CFAP36: variants seen among roughly 807,000 people sequenced by gnomAD.
CFAP36 encodes cilia- and flagella-associated protein 36.
CFAP36 carries 37 observed loss-of-function variants against 50.5 expected under a neutral mutation model. The observed-to-expected ratio is 0.73, with a 90% CI of 0.56 to 0.96. The LOEUF is 0.96. Among genes scored for constraint, CFAP36 ranks in the 50% least tolerant of loss-of-function variants. The pLI, the probability that CFAP36 is intolerant of heterozygous loss-of-function variation, is 0.00. For missense variants in CFAP36, 407 were observed against 396.2 expected (o/e 1.03, Z -0.23); for synonymous variants, 138 against 128.2 (o/e 1.08, Z -0.52).
rs1684006409 is a variant in CFAP36, at chr2:55,519,822, C to G, written c.21C>G (p.Asp7Glu). The G allele has an allele frequency of 6.2e-7, 1 of 1,614,106 alleles. No individual in the cohort carries two copies. Among genetic ancestry groups the G allele is most frequent in the Admixed American group, 1.7e-5 (1 of 60,012 alleles). MAAEEE[D>E]EVEWVVESIA... is the part of the protein sequence containing the mutation. ...GCGGGATGGCTGCGGAAGAAGAAGA[C>G]GAGGTGGAGTGGGTAGTGGAGAGCA... The change falls in exon 1 of 10, where the codon GAC (aspartate) becomes GAG (glutamate). Residue 7 changes from aspartate to glutamate, a missense_variant. Coordinates refer to ENST00000349456, the MANE Select transcript of CFAP36 (RefSeq NM_080667.7).
At chr2:55,542,804 A>C (rs1289799847) in intron 7 of CFAP36, among the ~76,000 whole-genome samples, 1 of 152,184 alleles carries the variant, frequency 6.6e-6, no homozygotes, top group African/African-American at 2.4e-5. Context: ...CGTCACTCTC[A>C]GTAATAACAG....
At chr2:55,527,871 T>G (rs1684250912) in intron 3 of CFAP36, among the ~76,000 whole-genome samples, 1 of 151,078 alleles carries the variant, frequency 6.6e-6, no homozygotes, top group Non-Finnish European at 1.5e-5. Flanking sequence ...AACAACACAC[T>G]CTAAAAAACA....
At position 55,544,250 on chromosome 2, in the gene CFAP36, C is replaced by T. The variant is rs140740355; in HGVS notation, c.808C>T (p.Arg270Trp). ...NLSVLGTEEL[R>W]QREHYLKQKR... ...ATCAGTACTTGGAACAGAAGAACTT[C>T]GGCAACGAGAACACTATCTCAAGCA... The change falls in exon 9 of 10, where the codon CGG (arginine) becomes TGG (tryptophan). Residue 270 changes from arginine to tryptophan, a missense_variant. Arg to Trp is a moderately radical substitution (Grantham distance 101, BLOSUM62 -3). Transcript: ENST00000349456. 9.9e-6 allele frequency: 16 copies of T among 1,613,586 alleles called. No homozygotes were observed. Among genetic ancestry groups the T allele is most frequent in the African/African-American group, 2.7e-5 (2 of 74,940 alleles).
chr2:55,520,503 A>G, intron 1 of CFAP36: 1 of 1,523,938 alleles, frequency 6.6e-7, no homozygotes, highest in Non-Finnish European at 8.8e-7. Flanking sequence ...TCTTCGCTAT[A>G]CCAAAAATTG....
intron 9 of CFAP36, 110 bp from the exon 10 acceptor site, chr2:55,544,797 C>A: frequency 1.5e-6 from 1 of 656,140 alleles, no homozygotes; most frequent in Non-Finnish European, 2.7e-6. Context: ...TCTCTCCCTC[C>A]GTCCCACAAG....
chr2:55,541,993 G>C (rs201959255), intron 7 of CFAP36, among the ~76,000 whole-genome samples: 1 of 93,462 alleles, frequency 1.1e-5, no homozygotes, highest in African/African-American at 4.1e-5. Context: ...TTGCTTCTTT[G>C]TACCAAGTCA....
chr2:55,544,376 C>G lies in CFAP36; in HGVS notation c.927+7C>G. ...ACCCACTGGGGAGGTAGAGGTATGG[C>G]TAGCCTTAATATGTCAAGATTTACA... On this transcript the variant is annotated splice_region_variant and intron_variant, in intron 9 of 9. Transcript: ENST00000349456. 6.2e-7 allele frequency: 1 copy of G among 1,602,478 alleles called. No homozygotes were observed. Among genetic ancestry groups the G allele is most frequent in the Non-Finnish European group, 8.5e-7 (1 of 1,176,510 alleles).
At chr2:55,532,587 C>T (rs1172437222) in intron 4 of CFAP36, among the ~76,000 whole-genome samples, 1 of 152,120 alleles carries the variant, frequency 6.6e-6, no homozygotes, top group Non-Finnish European at 1.5e-5. Flanking sequence ...TATTGTACTA[C>T]TATAGTTTTG....
chr2:55,522,213 T>G, intron 2 of CFAP36, 47 bp downstream of exon 2: 1 of 922,490 alleles, frequency 1.1e-6, no homozygotes, highest in Non-Finnish European at 1.7e-6. Context: ...AGGCTAATAC[T>G]ACTTATAGCT....
At position 55,528,993 on chromosome 2, in the gene CFAP36, G is replaced by C; in HGVS notation, c.397+1G>C. On this transcript the variant is annotated splice_donor_variant, in intron 4 of 9. Transcript: ENST00000349456. LOFTEE classifies it high-confidence loss of function. ...ATTCGAATAATTCAAGAGAGAAATG[G>C]TAAAATGTTGAAGTTAGAAATCTAA... 6.3e-7 allele frequency: 1 copy of C among 1,593,656 alleles called. No individual in the cohort carries two copies. The highest frequency in any genetic ancestry group is 8.6e-7 in the Non-Finnish European group (1 of 1,168,348).
chr2:55,526,970 G>A (rs1333452857), intron 3 of CFAP36, among the ~76,000 whole-genome samples: 2 of 152,022 alleles, frequency 1.3e-5, no homozygotes, highest in African/African-American at 4.8e-5. Context: ...TGAGGCTGCA[G>A]TGAGCTATGA....
chr2:55,532,492 G>A (rs73940018), intron 4 of CFAP36, among the ~76,000 whole-genome samples: 1 of 152,082 alleles, frequency 6.6e-6, no homozygotes, highest in Non-Finnish European at 1.5e-5. Flanking sequence ...AGATTATTAG[G>A]AGAATAATAA....
Position 55,535,755 on chromosome 2 carries a change from A to G in CFAP36, c.529A>G (p.Lys177Glu), listed in dbSNP as rs1179180954. The G allele has an allele frequency of 1.9e-6, 3 of 1,555,620 alleles. No individual in the cohort carries two copies. The highest frequency in any genetic ancestry group is 2.6e-6 in the Non-Finnish European group (3 of 1,160,146). ...TGACCAGGAAGAAGAAAGGAAGAGGAAAAAACAGGTGCCTACAGAACATAT... is the reference window on the plus strand; with the variant it reads ...TGACCAGGAAGAAGAAAGGAAGAGGGAAAAACAGGTGCCTACAGAACATAT... Reference protein sequence around the residue: ...EYDQEEERKRKKQLSEAKTEE... With the variant: ...EYDQEEERKREKQLSEAKTEE... Residue 177 changes from lysine to glutamate, a missense_variant, in exon 6 of 10, where the codon AAA (lysine) becomes GAA (glutamate). Lys to Glu is a moderately conservative substitution (Grantham distance 56). Transcript: ENST00000349456.
chr2:55,535,452 A>T (rs1684455897), intron 5 of CFAP36, among the ~76,000 whole-genome samples: 1 of 152,212 alleles, frequency 6.6e-6, no homozygotes, highest in African/African-American at 2.4e-5. Context: ...GTTGATCTTT[A>T]TTCAGCTAGG....
chr2:55,523,058 A>G (rs1211235060), intron 2 of CFAP36, among the ~76,000 whole-genome samples: 1 of 148,816 alleles, frequency 6.7e-6, no homozygotes, highest in Non-Finnish European at 1.5e-5. Flanking sequence ...TTACTGTGCC[A>G]CTGTACTCCA....
intron 1 of CFAP36, 44 bp downstream of exon 1, chr2:55,519,960 A>C: frequency 2.6e-4 from 404 of 1,573,798 alleles, no homozygotes; most frequent in Non-Finnish European, 3.1e-4. Context: ...CTCCTCTCTC[A>C]CACCAGCGGC....
In CFAP36 at chr2:55,522,053, A is replaced by G. The variant is rs770920023; in HGVS notation, c.116-49A>G. 7 of 953,170 alleles carry G rather than the reference A, an allele frequency of 7.3e-6. No homozygotes were observed. The South Asian group carries it at 1.1e-4, about 15-fold the overall frequency. 59.0% of individuals were successfully genotyped at this position (953,170 alleles called of 1,614,324 possible). A position where few individuals can be genotyped will look rare whatever the true frequency, so the allele number is the denominator to read the frequency against. ...GGAGTGGATTTTTAAATTTGCATTA[A>G]TAAAATGATTTGGTTTTTACACTAT... is the stretch of plus-strand genomic sequence containing the variant. On this transcript the variant is annotated intron_variant, in intron 1 of 9. Transcript: ENST00000349456.
intron 7 of CFAP36, among the ~76,000 whole-genome samples, chr2:55,540,290 T>G (rs868549071): frequency 6.6e-6 from 1 of 152,230 alleles, no homozygotes; most frequent in Non-Finnish European, 1.5e-5. Flanking sequence ...TGATCTATTT[T>G]GAATTATTTT....
intron 7 of CFAP36, among the ~76,000 whole-genome samples, chr2:55,541,486 TG>T (rs1684638292): frequency 6.6e-6 from 1 of 152,226 alleles, no homozygotes; most frequent in African/African-American, 2.4e-5. Context: ...CTAATGTAAA[TG>T]GTATTTTTAA....
Sources: gnomAD v4.1 joint callset for allele counts (sites outside exome capture counted in the v4.1 genomes callset) on GRCh38, gnomAD v4.1.1 for gene constraint, MANE v1.5 for transcripts, NCBI Gene and HGNC (gene_info 2026-07-23, HGNC 2026-07-21) for gene names.